The following MEGF6 variants were observed in gnomAD, a reference collection of about 807,000 sequenced individuals.
MEGF6 encodes multiple EGF like domains 6, also known as multiple epidermal growth factor-like domains protein 6.
A neutral mutation model predicts 207.1 loss-of-function variants in MEGF6; 184 were observed. The observed-to-expected ratio is 0.89, with a 90% CI of 0.79 to 1.00. The LOEUF (loss-of-function observed/expected upper bound fraction) is 1.00, where lower values mean the gene tolerates loss of function less well. Ranked by LOEUF, MEGF6 falls within the 50% of genes least tolerant of loss-of-function variation. The pLI, the probability that MEGF6 is intolerant of heterozygous loss-of-function variation, is 0.00. For missense variants in MEGF6, 2,282 were observed against 2,202.9 expected, an observed-to-expected ratio of 1.04 and a Z score of -0.72; for synonymous variants, 1,038 against 910.0, an observed-to-expected ratio of 1.14 and a Z score of -2.53.
intron 4 of MEGF6, among the ~76,000 whole-genome samples, chr1:3,538,677 C>T (rs1226756631): frequency 6.8e-6 from 1 of 146,858 alleles, no homozygotes; most frequent in Non-Finnish European, 1.5e-5. Flanking sequence ...GCTCTGCTGC[C>T]GGCCAGCAGA....
At chr1:3,531,380 C>A in intron 4 of MEGF6, 1 of 1,171,654 alleles carries the variant, frequency 8.5e-7, no homozygotes, top group East Asian at 3.9e-5. Context: ...CCCCGGGATC[C>A]GCTCCGCTCG....
At position 3,513,238 on chromosome 1, in the gene MEGF6, G is replaced by T. The variant is rs1641417588; in HGVS notation, c.854-1110C>A. 2.6e-5 allele frequency among the ~76,000 whole-genome samples: 4 copies of T among 151,788 alleles called. No individual in the cohort carries two copies. In the South Asian group the frequency reaches 8.3e-4, roughly 32 times the overall value. ...ATTTATTTATTTATTTTTAGACAGG[G>T]TCTCATTCTGTCACCCAGGCTGTAG... is the stretch of plus-strand genomic sequence containing the variant. On this transcript the variant is annotated intron_variant, in intron 7 of 36. Transcript: ENST00000356575.
chr1:3,533,741 C>T (rs898782589), intron 4 of MEGF6, among the ~76,000 whole-genome samples: 41 of 152,296 alleles, frequency 2.7e-4, no homozygotes, highest in African/African-American at 9.1e-4. Flanking sequence ...CAGTACTCGG[C>T]GGGAGCCTGG....
chr1:3,616,247 C>T (rs773410112), upstream of MEGF6, among the ~76,000 whole-genome samples: 1 of 152,138 alleles, frequency 6.6e-6, no homozygotes, highest in Non-Finnish European at 1.5e-5. Context: ...CTGAAAGCTC[C>T]CCGAACGAAC....
chr1:3,615,776 C>T (rs1644373220), upstream of MEGF6, among the ~76,000 whole-genome samples: 1 of 152,202 alleles, frequency 6.6e-6, no homozygotes, highest in Admixed American at 6.5e-5. Context: ...GTGGGCTCAG[C>T]TCTCCTGCTT....
At chr1:3,604,302 G>A (rs61737344) in intron 1 of MEGF6, among the ~76,000 whole-genome samples, 1,565 of 152,320 alleles carry the variant, frequency 0.01, 36 homozygotes, top group African/African-American at 0.036. Flanking sequence ...GATTCCTGGA[G>A]TCCAGGCCCA....
chr1:3,501,104 G>A lies in MEGF6; in HGVS notation c.2447-10C>T, dbSNP rs765081637. The stretch of plus-strand genomic sequence containing the variant: ...CAGCCTGCTGGGCACACTACAGGCA[G>A]GCGAGAGAGGGTGAGTGGGGCCTGG... On this transcript the variant is annotated splice_polypyrimidine_tract_variant and intron_variant, in intron 19 of 36. Transcript: ENST00000356575. 10 of 1,612,550 alleles carry A rather than the reference G, an allele frequency of 6.2e-6. 1 individual carries two copies. The South Asian group carries it at 7.7e-5, about 12-fold the overall frequency.
At chr1:3,530,218 G>A (rs1327694810) in intron 4 of MEGF6, among the ~76,000 whole-genome samples, 1 of 152,248 alleles carries the variant, frequency 6.6e-6, no homozygotes, top group African/African-American at 2.4e-5. Flanking sequence ...CCAAGCCAGG[G>A]AATGAAGGAA....
At chr1:3,584,733 C>T (rs1643869740) in intron 3 of MEGF6, among the ~76,000 whole-genome samples, 1 of 152,240 alleles carries the variant, frequency 6.6e-6, no homozygotes, top group Admixed American at 6.5e-5. Flanking sequence ...CTGCTGAGGA[C>T]ATTGAGCAGT....
At chr1:3,546,337 A>G (rs1378579176) in intron 4 of MEGF6, among the ~76,000 whole-genome samples, 2 of 152,210 alleles carry the variant, frequency 1.3e-5, no homozygotes, top group Non-Finnish European at 2.9e-5. Context: ...TTCTAGCCCC[A>G]GGTCTTGCCT....
At chr1:3,502,835 G>A (rs762088844) in intron 17 of MEGF6, among the ~76,000 whole-genome samples, 7 of 152,200 alleles carry the variant, frequency 4.6e-5, no homozygotes, top group Non-Finnish European at 8.8e-5. Context: ...GGCCTCTCCA[G>A]TGAGGACAAC....
chr1:3,530,555 C>T (rs1191178377), intron 4 of MEGF6, among the ~76,000 whole-genome samples: 9 of 152,180 alleles, frequency 5.9e-5, no homozygotes, highest in Non-Finnish European at 4.4e-5. Flanking sequence ...CAGAGAGAGG[C>T]AGGACGGAAC....
the MEGF6 span, among the ~76,000 whole-genome samples, chr1:3,622,316 C>T: frequency 3.9e-5 from 6 of 152,298 alleles, no homozygotes; most frequent in Admixed American, 3.3e-4. Context: ...AAGTGTGGCA[C>T]ATCCCACTAC....
rs748084105 is a variant in MEGF6 at position 3,505,572 on chromosome 1, C to T, written c.1919-16G>A. ...GGCGGGCAGGCTGCACCCACAGAAC[C>T]GTTGAGGGGGGCTCCCGTCTGAAGC... is the stretch of plus-strand genomic sequence containing the variant. On this transcript the variant is annotated splice_polypyrimidine_tract_variant and intron_variant, in intron 15 of 36. Coordinates refer to ENST00000356575, the MANE Select transcript of MEGF6 (RefSeq NM_001409.4). 7.7e-6 allele frequency: 12 copies of T among 1,551,472 alleles called. No individual in the cohort carries two copies. Among genetic ancestry groups the T allele is most frequent in the South Asian group, 3.5e-5 (3 of 84,600 alleles).
At chr1:3,602,878 C>CTGAGG (rs1644183438) in intron 1 of MEGF6, among the ~76,000 whole-genome samples, 1 of 152,228 alleles carries the variant, frequency 6.6e-6, no homozygotes, top group African/African-American at 2.4e-5. Context: ...GCAACACAGC[C>CTGAGG]ACCAACGACG....
chr1:3,504,420 C>G (rs552568857), intron 17 of MEGF6, among the ~76,000 whole-genome samples: 4 of 152,132 alleles, frequency 2.6e-5, no homozygotes, highest in Non-Finnish European at 4.4e-5. Context: ...GTGACCATCC[C>G]GCTGAGCCTC....
intron 17 of MEGF6, among the ~76,000 whole-genome samples, 186 bp downstream of exon 17, chr1:3,505,019 TGCC>T (rs1641047905): frequency 6.6e-6 from 1 of 152,050 alleles, no homozygotes; most frequent in African/African-American, 2.4e-5. Flanking sequence ...GCCGCACCAC[TGCC>T]ATGTGACAGG....
At chr1:3,534,712 G>A (rs960786629) in intron 4 of MEGF6, among the ~76,000 whole-genome samples, 5 of 152,140 alleles carry the variant, frequency 3.3e-5, no homozygotes, top group African/African-American at 9.7e-5. Flanking sequence ...GGCGGGGGAC[G>A]TCCTGGGAAC....
intron 4 of MEGF6, among the ~76,000 whole-genome samples, chr1:3,548,399 G>A (rs1386348640): frequency 3.9e-5 from 6 of 152,254 alleles, no homozygotes; most frequent in Admixed American, 2.0e-4. Flanking sequence ...CAGGCCAGCC[G>A]TCTCCGGACT....
Sources: gnomAD v4.1 joint callset for allele counts (sites outside exome capture counted in the v4.1 genomes callset) on GRCh38, gnomAD v4.1.1 for gene constraint, MANE v1.5 for transcripts, NCBI Gene and HGNC (gene_info 2026-07-23, HGNC 2026-07-21) for gene names.